Variants in RGS3 observed in about 807,000 individuals in gnomAD.
RGS3 encodes regulator of G-protein signalling 3.
Under a neutral mutation model 132.6 loss-of-function variants are expected in RGS3, and 80 were observed. The observed-to-expected ratio is 0.60, with a 90% CI of 0.50 to 0.73. RGS3 has a LOEUF of 0.73. Ranked by LOEUF, RGS3 falls within the 30% of genes least tolerant of loss-of-function variation. RGS3 has a pLI of 0.00. For synonymous variants in RGS3, 598 were observed against 620.6 expected, an observed-to-expected ratio of 0.96 and a Z score of 0.54; for missense variants, 1,382 against 1,530.8, an observed-to-expected ratio of 0.90 and a Z score of 1.62.
At chr9:113,594,625 C>T in intron 22 of RGS3, 94 bp downstream of exon 20, 1 of 1,038,650 alleles carries the variant, frequency 9.6e-7, no homozygotes, top group Non-Finnish European at 1.4e-6. Flanking sequence ...AAGGGGCTTG[C>T]CGGCTTGATC....
chr9:113,543,429 A>C (rs1828182191), intron 19 of RGS3, among the ~76,000 whole-genome samples: 1 of 152,236 alleles, frequency 6.6e-6, no homozygotes, highest in African/African-American at 2.4e-5. Flanking sequence ...GCCCGTGACC[A>C]GACCAATGCC....
At chr9:113,485,311 G>C (rs1461878459) in intron 6 of RGS3, among the ~76,000 whole-genome samples, 1 of 152,038 alleles carries the variant, frequency 6.6e-6, no homozygotes, top group South Asian at 2.1e-4. Flanking sequence ...GGATGGTCTC[G>C]ATCTCCTGAC....
In RGS3 at chr9:113,584,150, C is replaced by T. The variant is rs746243044; in HGVS notation, c.2738C>T (p.Ala913Val). 1.9e-5 allele frequency: 31 copies of T among 1,614,104 alleles called. 1 individual carries two copies. The South Asian group carries it at 2.7e-4, about 14-fold the overall frequency. ...GACAACTACGGAGAGCGCAGTGAGG[C>T]CAAGCGCAGCAGCATGATCGAGACG... is the stretch of plus-strand genomic sequence containing the variant. Residue 913 changes from alanine (A) to valine (V), a missense_variant, in exon 20 of 25, where the codon GCC becomes GTC. Transcript: ENST00000350696.
chr9:113,536,133 G>A (rs1832666571), intron 18 of RGS3, among the ~76,000 whole-genome samples: 1 of 152,208 alleles, frequency 6.6e-6, no homozygotes, highest in African/African-American at 2.4e-5. Context: ...GTTGAATAGC[G>A]AAGCGGGACC....
intron 7 of RGS3, among the ~76,000 whole-genome samples, chr9:113,493,475 C>CAGAG (rs1475788017): frequency 6.6e-6 from 1 of 152,140 alleles, no homozygotes; most frequent in Non-Finnish European, 1.5e-5. Flanking sequence ...GGCCATGGGG[C>CAGAG]AGAGCATGGG....
chr9:113,545,790 A>G (rs78728383), intron 19 of RGS3, among the ~76,000 whole-genome samples: 3,519 of 152,218 alleles, frequency 0.023, 54 homozygotes, highest in Non-Finnish European at 0.037. Context: ...TCTAATCCTC[A>G]TGCAGACTTA....
Position 113,508,635 on chromosome 9 carries a change from GC to G in RGS3, c.1477+56del. 1.9e-6 allele frequency: 3 copies of G among 1,588,488 alleles called. No homozygotes were observed. The East Asian group carries it at 6.7e-5, about 35-fold the overall frequency. On this transcript the variant is annotated intron_variant, in intron 14 of 24. Transcript: ENST00000350696. ...TAGCTCAGAGAGGCAGCAGGGGTCA[GC>G]TGAGGCCTGGCCCAGCCTCCGCCCC...
At chr9:113,484,380 G>A (rs1830264479) in intron 6 of RGS3, 148 bp downstream of exon 4, 1 of 556,912 alleles carries the variant, frequency 1.8e-6, no homozygotes, top group Non-Finnish European at 3.2e-6. Context: ...GCCTTCTAAA[G>A]GATGTCTTTG....
At chr9:113,533,866 G>A (rs1588212520) in intron 18 of RGS3, among the ~76,000 whole-genome samples, 1 of 152,210 alleles carries the variant, frequency 6.6e-6, no homozygotes, top group Non-Finnish European at 1.5e-5. Flanking sequence ...TCTTTTGCTG[G>A]CCATATCCTT....
chr9:113,474,884 T>G (rs1829943781), intron 3 of RGS3, among the ~76,000 whole-genome samples: 1 of 152,026 alleles, frequency 6.6e-6, no homozygotes, highest in Non-Finnish European at 1.5e-5. Context: ...CTAGCAAAGG[T>G]GTGCAGTCCC....
rs549034767 is a variant in RGS3, at chr9:113,594,396, G to A, written c.3081-34G>A. ...GGATTTGCAGGGGCGAGTGGGCCAG[G>A]CTGAGCAACCCTCTTTTCTGCTTCT... On this transcript the variant is annotated intron_variant, in intron 21 of 24. Coordinates refer to ENST00000350696, the Ensembl canonical transcript of RGS3. 1.4e-5 allele frequency: 22 copies of A among 1,610,824 alleles called. No individual in the cohort carries two copies. In the South Asian group the frequency reaches 1.4e-4, roughly 10 times the overall value.
chr9:113,564,981 G>A (rs1377077365), intron 19 of RGS3: 15 of 1,016,180 alleles, frequency 1.5e-5, no homozygotes, highest in African/African-American at 1.7e-5. Context: ...CCAGCAGGCC[G>A]GCTGGAGGCG....
At chr9:113,516,943 C>A (rs1831701891) in intron 15 of RGS3, among the ~76,000 whole-genome samples, 1 of 152,246 alleles carries the variant, frequency 6.6e-6, no homozygotes, top group African/African-American at 2.4e-5. Flanking sequence ...ACAAGTCCTG[C>A]TGGGTAATCC....
chr9:113,575,389 C>T (rs1436463848), intron 19 of RGS3, among the ~76,000 whole-genome samples: 1 of 152,148 alleles, frequency 6.6e-6, no homozygotes, highest in Non-Finnish European at 1.5e-5. Flanking sequence ...GTGCCGCCCT[C>T]CTGAGCCTCT....
chr9:113,555,536 C>T (rs927195531), intron 19 of RGS3, among the ~76,000 whole-genome samples: 4 of 151,756 alleles, frequency 2.6e-5, no homozygotes, highest in Admixed American at 6.6e-5. Context: ...GGTGCAATCT[C>T]GGCTCCTGCA....
At chr9:113,461,566 G>A (rs1026444980) in intron 1 of RGS3, 12 of 808,084 alleles carry the variant, frequency 1.5e-5, no homozygotes, top group Non-Finnish European at 2.4e-5. Flanking sequence ...TCAGGATCAG[G>A]CTGGCCTTGC....
At chr9:113,594,399 G>A (rs1231530861) in intron 21 of RGS3, 31 bp from the exon 20 acceptor site, 23 of 1,611,392 alleles carry the variant, frequency 1.4e-5, no homozygotes, top group Non-Finnish European at 1.9e-5. Context: ...GGGCCAGGCT[G>A]AGCAACCCTC....
chr9:113,448,713 G>C (rs979323370), intron 1 of RGS3, among the ~76,000 whole-genome samples: 1 of 152,148 alleles, frequency 6.6e-6, no homozygotes, highest in Non-Finnish European at 1.5e-5. Context: ...CTGGCCCACT[G>C]TAAGTGCTTA....
At chr9:113,550,072 A>C (rs2118735827) in intron 19 of RGS3, among the ~76,000 whole-genome samples, 1 of 152,324 alleles carries the variant, frequency 6.6e-6, no homozygotes, top group Admixed American at 6.5e-5. Context: ...TTCGACTCTA[A>C]ATAAATATTT....
Sources: allele counts gnomAD v4.1 joint callset (sites outside exome capture counted in the v4.1 genomes callset), GRCh38; gene constraint gnomAD v4.1.1; transcripts MANE v1.5; gene names NCBI Gene and HGNC (gene_info 2026-07-23, HGNC 2026-07-21).